Variants in PCNX2 observed in about 807,000 individuals in gnomAD.
PCNX2 encodes pecanex-like protein 2.
In PCNX2, 168 loss-of-function variants were observed where a neutral mutation model predicts 223.8. The ratio of observed to expected loss-of-function variants is 0.75; its 90% CI spans 0.66 to 0.85. The LOEUF is 0.85. Ranked by LOEUF, PCNX2 falls within the 40% of genes least tolerant of loss-of-function variation. PCNX2 has a pLI of 0.00. For synonymous variants in PCNX2, 1,006 were observed against 1,052.6 expected (o/e 0.96, Z 0.86); for missense variants, 2,507 against 2,675.5 (o/e 0.94, Z 1.39).
At chr1:233,148,548 G>A (rs1363615804) in intron 19 of PCNX2, among the ~76,000 whole-genome samples, 1 of 151,636 alleles carries the variant, frequency 6.6e-6, no homozygotes. Flanking sequence ...TTACATGAGT[G>A]TGCCACTACG....
Position 233,000,647 on chromosome 1 carries a change from T to C in PCNX2, c.5098-112A>G, listed in dbSNP as rs1047022609. The stretch of plus-strand genomic sequence containing the variant: ...CCTCCAAAGCTAAGCTCTTTCCTCA[T>C]CTTCCTCTCTCCTGTTCTTTTTCCA... On this transcript the variant is annotated intron_variant, in intron 29 of 33. Coordinates refer to ENST00000258229, the MANE Select transcript of PCNX2 (RefSeq NM_014801.4). This position sits in a 1 kb window ranked among gnomAD's most constrained non-coding sequence, Gnocchi z 4.6. 1.3e-6 allele frequency: 1 copy of C among 795,618 alleles called. No individual in the cohort carries two copies. The highest frequency in any genetic ancestry group is 2.0e-6 in the Non-Finnish European group (1 of 497,008). The allele number at this position is 795,618 out of a possible 1,614,324, so 49.3% of individuals were successfully genotyped here.
intron 15 of PCNX2, among the ~76,000 whole-genome samples, chr1:233,193,211 C>T (rs893485663): frequency 6.6e-6 from 1 of 151,094 alleles, no homozygotes; most frequent in Non-Finnish European, 1.5e-5. Flanking sequence ...AACTCTAGAA[C>T]TGTACCAGAA....
intron 25 of PCNX2, chr1:233,047,514 A>C (rs1418554001): frequency 1.8e-6 from 1 of 558,818 alleles, no homozygotes; most frequent in African/African-American, 2.0e-5. Context: ...AATTCCAGAA[A>C]AAACTGAAAA....
chr1:233,012,727 G>C (rs915175594), intron 28 of PCNX2, among the ~76,000 whole-genome samples: 2 of 152,112 alleles, frequency 1.3e-5, no homozygotes, highest in African/African-American at 4.8e-5. Context: ...CCTGGATCAG[G>C]AATATCTGAA....
At chr1:233,115,158 A>G (rs1279583617) in intron 21 of PCNX2, among the ~76,000 whole-genome samples, 1 of 151,966 alleles carries the variant, frequency 6.6e-6, no homozygotes, top group Non-Finnish European at 1.5e-5. Flanking sequence ...GACTACTACA[A>G]CCAGGGAAGG....
rs376032266 is a variant in PCNX2, at chr1:233,258,606, C to T, written c.1256G>A (p.Gly419Asp). ...TGAGATCTGCTCGGCATTTGGAGAA[C>T]CGGCCGCCCCTGGGTTAGTGGGCTC... ...DAEPTNPGAA[G>D]SPNAEQISIP... The change falls in exon 5 of 34, where the codon GGT (glycine) becomes GAT (aspartate). Residue 419 changes from glycine to aspartate, a missense_variant. By Grantham distance (94) the Gly-to-Asp change is moderately conservative. Transcript: ENST00000258229. 14 of 1,613,840 alleles carry T rather than the reference C, an allele frequency of 8.7e-6. No homozygotes were observed. Among genetic ancestry groups the T allele is most frequent in the African/African-American group, 8.0e-5 (6 of 74,916 alleles).
At chr1:233,175,116 A>G (rs1425991052) in intron 17 of PCNX2, among the ~76,000 whole-genome samples, 2 of 152,134 alleles carry the variant, frequency 1.3e-5, no homozygotes, top group Non-Finnish European at 2.9e-5. Flanking sequence ...AGACAGACAG[A>G]GAAAATAAGA....
At position 233,142,499 on chromosome 1, in the gene PCNX2, C is replaced by G. The variant is rs375030955; in HGVS notation, c.3518-2644G>C. The stretch of plus-strand genomic sequence containing the variant: ...TAGCCACTCCCTGCCTCAACACTAG[C>G]TCTTTCCCAAGGCAAGTGGCAAGAT... On this transcript the variant is annotated intron_variant, in intron 19 of 33. Transcript: ENST00000258229. Among the ~76,000 whole-genome samples, 18 of 152,338 alleles carry G rather than the reference C, an allele frequency of 1.2e-4. No individual in the cohort carries two copies. The East Asian group carries it at 1.9e-3, about 16-fold the overall frequency.
At chr1:233,215,057 C>T (rs1682042635) in intron 12 of PCNX2, among the ~76,000 whole-genome samples, 3 of 152,204 alleles carry the variant, frequency 2.0e-5, no homozygotes, top group Non-Finnish European at 2.9e-5. Context: ...CAAAATAGTG[C>T]CGTCTGAAAA....
chr1:233,008,154 A>G (rs1670349965), intron 28 of PCNX2, among the ~76,000 whole-genome samples: 1 of 152,192 alleles, frequency 6.6e-6, no homozygotes, highest in African/African-American at 2.4e-5. Flanking sequence ...AGAGTGTATT[A>G]ATACTGCTTT....
chr1:233,152,450 C>T (rs1677874462), intron 19 of PCNX2, among the ~76,000 whole-genome samples: 1 of 152,008 alleles, frequency 6.6e-6, no homozygotes, highest in South Asian at 2.1e-4. Flanking sequence ...AGGAATACAT[C>T]CTTCCTCCTC....
intron 32 of PCNX2, among the ~76,000 whole-genome samples, chr1:232,994,902 G>A (rs1669824188): frequency 6.6e-6 from 1 of 152,156 alleles, no homozygotes; most frequent in Admixed American, 6.5e-5. Context: ...CAGCCATGCA[G>A]AACTGTGAGT....
chr1:233,125,718 C>T (rs1472023757), intron 21 of PCNX2, among the ~76,000 whole-genome samples: 1 of 152,204 alleles, frequency 6.6e-6, no homozygotes, highest in Non-Finnish European at 1.5e-5. Flanking sequence ...AAGAAAGATA[C>T]TCTCTCTTTT....
chr1:233,021,451 C>T (rs1572019686), intron 26 of PCNX2, among the ~76,000 whole-genome samples: 1 of 152,222 alleles, frequency 6.6e-6, no homozygotes, highest in South Asian at 2.1e-4. Context: ...GCCCAGATCA[C>T]ACCACTGCAC....
At chr1:233,290,938 G>C in intron 1 of PCNX2, 1 of 985,434 alleles carries the variant, frequency 1.0e-6, no homozygotes, top group Non-Finnish European at 1.2e-6. Flanking sequence ...CCGGCATGGG[G>C]TCTTGAAGGA....
intron 22 of PCNX2, among the ~76,000 whole-genome samples, chr1:233,094,983 A>G (rs978155420): frequency 4.6e-5 from 7 of 152,194 alleles, no homozygotes; most frequent in Non-Finnish European, 7.3e-5. Context: ...ACAGGTTTAA[A>G]AACTCTAAAT....
intron 28 of PCNX2, among the ~76,000 whole-genome samples, chr1:233,012,409 G>C (rs1363666175): frequency 4.0e-5 from 6 of 151,842 alleles, no homozygotes; most frequent in African/African-American, 1.5e-4. Context: ...GCTTAGGGTG[G>C]GATGTAAAAG....
chr1:233,310,510 G>C, the PCNX2 span, among the ~76,000 whole-genome samples: 1 of 152,152 alleles, frequency 6.6e-6, no homozygotes, highest in South Asian at 2.1e-4. Flanking sequence ...ATCTTTTGGG[G>C]AGTTGCGGCT....
Position 233,025,230 on chromosome 1 carries a change from C to G in PCNX2, c.4521G>C (p.Glu1507Asp), listed in dbSNP as rs1251996401. Residue 1507 changes from glutamate (E) to aspartate (D), a missense_variant, in exon 26 of 34, where the codon GAG becomes GAC. Physicochemically the swap from Glu to Asp is conservative, Grantham distance 45. Around this residue, in one of 3 missense-constraint regions of PCNX2, gnomAD observed 1,372 missense variants for 1,509.4 expected, o/e 0.91. Coordinates refer to ENST00000258229, the MANE Select transcript of PCNX2 (RefSeq NM_014801.4). ...CGTTGTTGTCCAGGATGCTGTAGCC[C>G]TCCAGGATGTACTGGGTCTGCGTGA... ...WEITQTQYIL[E>D]GYSILDNNAA... 3 of 1,614,002 alleles carry G rather than the reference C, an allele frequency of 1.9e-6. No homozygotes were observed. The Admixed American group carries it at 5.0e-5, about 27-fold the overall frequency.
Sources: gnomAD v4.1 joint callset for allele counts (sites outside exome capture counted in the v4.1 genomes callset) on GRCh38, gnomAD v4.1.1 for gene constraint, gnomAD v4.1.1 regional missense constraint, Gnocchi (gnomAD v3.1) non-coding constraint, MANE v1.5 for transcripts, NCBI Gene and HGNC (gene_info 2026-07-23, HGNC 2026-07-21) for gene names.